Variants in SOX5 observed in about 807,000 individuals in gnomAD.
SOX5 encodes transcription factor SOX-5.
SOX5 carries 9 observed loss-of-function variants against 92.0 expected under a neutral mutation model. The observed-to-expected ratio is 0.10, with a 90% CI of 0.06 to 0.17. The LOEUF is 0.17. Ranked by LOEUF, SOX5 falls within the 10% of genes least tolerant of loss-of-function variation. SOX5 has a pLI of 1.00. For synonymous variants in SOX5, 344 were observed against 336.3 expected (o/e 1.02, Z -0.25); for missense variants, 642 against 944.5 (o/e 0.68, Z 4.20).
chr12:23,602,702 G>A (rs1313103393), intron 9 of SOX5, among the ~76,000 whole-genome samples: 1 of 152,004 alleles, frequency 6.6e-6, no homozygotes, highest in Non-Finnish European at 1.5e-5. Context: ...GACACACATT[G>A]TCTGTGTGTG....
Position 23,748,353 on chromosome 12 carries a change from T to C in SOX5, c.568+7285A>G, listed in dbSNP as rs12813365. Among the ~76,000 whole-genome samples the C allele has an allele frequency of 1.4e-3, 212 of 152,154 alleles. 2 individuals carry two copies. Among genetic ancestry groups the C allele is most frequent in the South Asian group, 2.5e-3 (12 of 4,824 alleles). ...AGAAAAGTCCTTGATTAGCTGATAA[T>C]GTACAATTTTATGCACAGGAATGAC... On this transcript the variant is annotated intron_variant, in intron 4 of 14. Coordinates refer to ENST00000451604, the MANE Select transcript of SOX5 (RefSeq NM_006940.6).
chr12:24,233,865 C>T (rs1297040516), intron 3 of SOX5, among the ~76,000 whole-genome samples: 1 of 152,158 alleles, frequency 6.6e-6, no homozygotes, highest in Non-Finnish European at 1.5e-5. Flanking sequence ...TCAACATGCT[C>T]GAGGATGAAC....
intron 3 of SOX5, among the ~76,000 whole-genome samples, chr12:24,222,222 G>A (rs1294786955): frequency 2.8e-4 from 43 of 152,182 alleles, no homozygotes; most frequent in Admixed American, 2.8e-3. Context: ...TGAAATGCCA[G>A]TAGAACTGCC....
At chr12:23,747,293 T>C (rs1224579249) in intron 4 of SOX5, among the ~76,000 whole-genome samples, 1 of 152,140 alleles carries the variant, frequency 6.6e-6, no homozygotes, top group Non-Finnish European at 1.5e-5. Flanking sequence ...ACTACAACAA[T>C]TGCTTTCTAG....
intron 8 of SOX5, among the ~76,000 whole-genome samples, chr12:23,611,986 A>T (rs959169610): frequency 5.3e-5 from 8 of 152,070 alleles, no homozygotes; most frequent in African/African-American, 1.9e-4. Flanking sequence ...ACTGTATGAT[A>T]AAACATACTG....
At chr12:23,904,495 T>G (rs1049855613) in intron 1 of SOX5, among the ~76,000 whole-genome samples, 3 of 152,170 alleles carry the variant, frequency 2.0e-5, no homozygotes, top group African/African-American at 7.2e-5. Flanking sequence ...CACTATGTAT[T>G]TCACCAGAGT....
intron 1 of SOX5, among the ~76,000 whole-genome samples, chr12:24,441,340 T>C (rs1940547109): frequency 6.6e-6 from 1 of 152,206 alleles, no homozygotes; most frequent in Non-Finnish European, 1.5e-5. Context: ...ACGGTCCACC[T>C]AATCTTATGA....
At chr12:23,964,581 C>T (rs921559801) in intron 4 of SOX5, among the ~76,000 whole-genome samples, 1 of 152,120 alleles carries the variant, frequency 6.6e-6, no homozygotes, top group Non-Finnish European at 1.5e-5. Flanking sequence ...GACTGTCAAC[C>T]GTCTACAAGT....
chr12:23,847,025 T>C (rs1371650534), intron 2 of SOX5, among the ~76,000 whole-genome samples: 2 of 152,144 alleles, frequency 1.3e-5, no homozygotes, highest in African/African-American at 2.4e-5. Flanking sequence ...TTCTCACATA[T>C]TCTAGCACAA....
At chr12:23,676,850 C>T (rs1332315237) in intron 6 of SOX5, among the ~76,000 whole-genome samples, 1 of 152,142 alleles carries the variant, frequency 6.6e-6, no homozygotes, top group Non-Finnish European at 1.5e-5. Context: ...TACAACTATA[C>T]CATTAGGTTG....
At chr12:24,309,027 A>G (rs1948901556) in intron 2 of SOX5, among the ~76,000 whole-genome samples, 1 of 152,270 alleles carries the variant, frequency 6.6e-6, no homozygotes, top group African/African-American at 2.4e-5. Flanking sequence ...GTTAATATCC[A>G]GAGACACTGA....
intron 3 of SOX5, among the ~76,000 whole-genome samples, chr12:23,816,474 A>T (rs1309671501): frequency 6.6e-6 from 1 of 152,130 alleles, no homozygotes; most frequent in Non-Finnish European, 1.5e-5. Flanking sequence ...CTGGGATTAC[A>T]GACGTGAGCC....
chr12:24,144,076 G>A (rs1950843913), intron 4 of SOX5, among the ~76,000 whole-genome samples: 1 of 150,424 alleles, frequency 6.6e-6, no homozygotes. Context: ...AATCCCACAA[G>A]CAGCCAGAAA....
intron 1 of SOX5, among the ~76,000 whole-genome samples, chr12:24,439,566 C>G (rs1940104950): frequency 6.6e-6 from 1 of 152,116 alleles, no homozygotes; most frequent in African/African-American, 2.4e-5. Flanking sequence ...AACATCTATG[C>G]TATTGTCAAT....
intron 2 of SOX5, among the ~76,000 whole-genome samples, chr12:23,849,047 C>T (rs1377647862): frequency 6.6e-6 from 1 of 152,082 alleles, no homozygotes; most frequent in African/African-American, 2.4e-5. Flanking sequence ...CAGAATATTG[C>T]TATGAACACG....
intron 1 of SOX5, among the ~76,000 whole-genome samples, chr12:24,418,865 A>T (rs1596452219): frequency 6.6e-6 from 1 of 152,204 alleles, no homozygotes; most frequent in Non-Finnish European, 1.5e-5. Flanking sequence ...AAAACTGGGC[A>T]TCAGGGCAGG....
intron 1 of SOX5, among the ~76,000 whole-genome samples, chr12:24,395,646 T>C (rs979668418): frequency 3.3e-5 from 5 of 152,336 alleles, no homozygotes; most frequent in South Asian, 2.1e-4. Flanking sequence ...ATTCTCCTCA[T>C]GGAAAGAAAC....
At chr12:24,298,071 GTTTAA>G (rs1473697477) in intron 2 of SOX5, among the ~76,000 whole-genome samples, 1 of 152,034 alleles carries the variant, frequency 6.6e-6, no homozygotes, top group African/African-American at 2.4e-5. Flanking sequence ...AAAAGTGGCA[GTTTAA>G]TTTGTTTTAT....
intron 1 of SOX5, among the ~76,000 whole-genome samples, chr12:24,373,685 T>C (rs1236296942): frequency 6.6e-6 from 1 of 152,256 alleles, no homozygotes; most frequent in East Asian, 1.9e-4. Flanking sequence ...TGGATATATA[T>C]AGATATCTAT....
Sources: allele counts gnomAD v4.1 joint callset (sites outside exome capture counted in the v4.1 genomes callset), GRCh38; gene constraint gnomAD v4.1.1; transcripts MANE v1.5; gene names NCBI Gene and HGNC (gene_info 2026-07-23, HGNC 2026-07-21).